The following KCTD8 variants were observed in gnomAD, a reference collection of about 807,000 sequenced individuals.
The protein encoded by KCTD8 is potassium channel tetramerization domain containing 8, also known as BTB/POZ domain-containing protein KCTD8.
A neutral mutation model predicts 31.5 loss-of-function variants in KCTD8; 27 were observed. That is an observed-to-expected ratio of 0.86 (90% CI 0.63 to 1.18). KCTD8 has a LOEUF of 1.18. KCTD8 is among the 50% of genes most tolerant of loss of function. The pLI is 0.00. For synonymous variants in KCTD8, 290 were observed against 280.0 expected (o/e 1.04, Z -0.36); for missense variants, 658 against 647.7 (o/e 1.02, Z -0.17).
At chr4:44,362,751 T>G (rs41445444) in intron 1 of KCTD8, among the ~76,000 whole-genome samples, 10,433 of 151,636 alleles carry the variant, frequency 0.069, 448 homozygotes, top group South Asian at 0.11. Flanking sequence ...TGGCCTAGTT[T>G]CTTCTGTGTT....
rs150070430 is a variant in KCTD8, at chr4:44,183,563, T to C, written c.962-8313A>G. On this transcript the variant is annotated intron_variant, in intron 1 of 1. Coordinates refer to ENST00000360029, the MANE Select transcript of KCTD8 (RefSeq NM_198353.3). Reference sequence around the variant, plus strand: ...TATTAAAATAGAAAAGTGGAAAAGATAGCTTTTCCCAGTCATTTGAATAGA... The same window carrying C: ...TATTAAAATAGAAAAGTGGAAAAGACAGCTTTTCCCAGTCATTTGAATAGA... Among the ~76,000 whole-genome samples, 763 of 152,272 alleles carry C rather than the reference T, an allele frequency of 5.0e-3. 3 individuals are homozygous for C. The highest frequency in any genetic ancestry group is 0.018 in the African/African-American group (749 of 41,544).
intron 1 of KCTD8, among the ~76,000 whole-genome samples, chr4:44,236,019 C>G (rs998713185): frequency 2.0e-5 from 3 of 152,082 alleles, no homozygotes; most frequent in East Asian, 1.9e-4. Flanking sequence ...AGGGAAGAAT[C>G]CTTACTATCT....
intron 1 of KCTD8, among the ~76,000 whole-genome samples, chr4:44,221,022 A>T (rs1243547617): frequency 1.3e-5 from 2 of 152,162 alleles, no homozygotes; most frequent in African/African-American, 4.8e-5. Context: ...GTATGTCGTC[A>T]TCACTGCTGA....
intron 1 of KCTD8, among the ~76,000 whole-genome samples, chr4:44,199,638 G>A (rs1222972243): frequency 6.6e-6 from 1 of 152,000 alleles, no homozygotes; most frequent in African/African-American, 2.4e-5. Context: ...CAAAACCTTT[G>A]GTGCAGCCAA....
chr4:44,318,977 T>C (rs1335344090), intron 1 of KCTD8, among the ~76,000 whole-genome samples: 1 of 152,204 alleles, frequency 6.6e-6, no homozygotes, highest in Non-Finnish European at 1.5e-5. Context: ...TTAGGTAAGA[T>C]GGCAGGAAGG....
At chr4:44,251,193 T>C (rs567019824) in intron 1 of KCTD8, among the ~76,000 whole-genome samples, 20 of 151,842 alleles carry the variant, frequency 1.3e-4, no homozygotes, top group African/African-American at 4.8e-4. Context: ...GAGATATTTA[T>C]GTCTTCACAG....
At chr4:44,316,794 C>CA (rs767073470) in intron 1 of KCTD8, among the ~76,000 whole-genome samples, 1 of 9,854 alleles carries the variant, frequency 1.0e-4, no homozygotes. Context: ...ACTAAAAATA[C>CA]GAAAAAAAAA....
At chr4:44,213,063 G>A (rs1291229756) in intron 1 of KCTD8, among the ~76,000 whole-genome samples, 6 of 151,856 alleles carry the variant, frequency 4.0e-5, no homozygotes, top group South Asian at 4.2e-4. Flanking sequence ...TCAGCCACCC[G>A]AGTAGCTGGG....
At chr4:44,416,655 C>T (rs1436044974) in intron 1 of KCTD8, among the ~76,000 whole-genome samples, 1 of 152,168 alleles carries the variant, frequency 6.6e-6, no homozygotes, top group Admixed American at 6.5e-5. Flanking sequence ...CTGGCTCCCA[C>T]TCTTGCCATG....
intron 1 of KCTD8, among the ~76,000 whole-genome samples, chr4:44,339,720 A>T (rs935512479): frequency 2.0e-5 from 3 of 152,184 alleles, no homozygotes; most frequent in African/African-American, 7.2e-5. Context: ...GCTACAAAAA[A>T]AATTGAGAAG....
At chr4:44,436,809 A>G (rs1257158978) in intron 1 of KCTD8, among the ~76,000 whole-genome samples, 1 of 152,142 alleles carries the variant, frequency 6.6e-6, no homozygotes, top group Non-Finnish European at 1.5e-5. Context: ...TGACAATAAC[A>G]TCTAAGCAAA....
At chr4:44,433,033 C>A (rs1454869167) in intron 1 of KCTD8, among the ~76,000 whole-genome samples, 1 of 151,628 alleles carries the variant, frequency 6.6e-6, no homozygotes, top group African/African-American at 2.4e-5. Context: ...GCACAGTTAT[C>A]TTTCTCTCCA....
At chr4:44,195,359 C>T (rs1713907245) in intron 1 of KCTD8, among the ~76,000 whole-genome samples, 1 of 152,060 alleles carries the variant, frequency 6.6e-6, no homozygotes, top group Non-Finnish European at 1.5e-5. Context: ...CAAAATAAAA[C>T]CCAACAACAT....
intron 1 of KCTD8, among the ~76,000 whole-genome samples, chr4:44,178,882 T>C (rs563253285): frequency 6.6e-6 from 1 of 152,286 alleles, no homozygotes; most frequent in South Asian, 2.1e-4. Flanking sequence ...AAGCCCTCTT[T>C]GAAGAAGAGA....
intron 1 of KCTD8, among the ~76,000 whole-genome samples, chr4:44,390,333 C>T (rs960019005): frequency 4.6e-5 from 7 of 151,918 alleles, no homozygotes; most frequent in African/African-American, 1.7e-4. Context: ...GATGAGGATC[C>T]AGTTTCATTC....
chr4:44,191,560 T>C (rs749274935), intron 1 of KCTD8, among the ~76,000 whole-genome samples: 19 of 152,096 alleles, frequency 1.2e-4, no homozygotes, highest in Non-Finnish European at 2.4e-4. Context: ...AGGAAAAGAA[T>C]TGTATTCCTG....
intron 1 of KCTD8, among the ~76,000 whole-genome samples, chr4:44,298,151 G>A (rs1380478158): frequency 6.6e-6 from 1 of 152,090 alleles, no homozygotes; most frequent in Non-Finnish European, 1.5e-5. Flanking sequence ...GATGCTGCAA[G>A]AATAACAGAA....
chr4:44,328,438 A>T (rs925116002), intron 1 of KCTD8, among the ~76,000 whole-genome samples: 2 of 151,934 alleles, frequency 1.3e-5, no homozygotes, highest in African/African-American at 4.8e-5. Flanking sequence ...AGATGACCAC[A>T]TCATTGACAT....
At chr4:44,403,583 T>A (rs1720717435) in intron 1 of KCTD8, among the ~76,000 whole-genome samples, 1 of 152,120 alleles carries the variant, frequency 6.6e-6, no homozygotes, top group Admixed American at 6.5e-5. Flanking sequence ...TCTCACTCTA[T>A]CTTCACATGC....
Sources: gnomAD v4.1 joint callset for allele counts (sites outside exome capture counted in the v4.1 genomes callset) on GRCh38, gnomAD v4.1.1 for gene constraint, MANE v1.5 for transcripts, NCBI Gene and HGNC (gene_info 2026-07-23, HGNC 2026-07-21) for gene names.